KIRREL3: variants seen among roughly 807,000 people sequenced by gnomAD.
The protein encoded by KIRREL3 is kirre like nephrin family adhesion molecule 3, also known as kin of IRRE-like protein 3.
Under a neutral mutation model 89.7 loss-of-function variants are expected in KIRREL3, and 36 were observed. The ratio of observed to expected loss-of-function variants is 0.40; its 90% CI spans 0.31 to 0.53. The LOEUF is 0.53. Among genes scored for constraint, KIRREL3 ranks in the 20% least tolerant of loss-of-function variants. The probability of loss-of-function intolerance (pLI) is 0.49; values close to 1 mark genes in which losing one functional copy is unlikely to be tolerated. For synonymous variants in KIRREL3, 445 were observed against 441.4 expected (o/e 1.01, Z -0.10); for missense variants, 864 against 1,056.6 (o/e 0.82, Z 2.53).
intron 1 of KIRREL3, among the ~76,000 whole-genome samples, chr11:126,665,467 G>A (rs779853226): frequency 6.6e-6 from 1 of 152,232 alleles, no homozygotes; most frequent in Non-Finnish European, 1.5e-5. Context: ...CCGAGGTGAT[G>A]CTATTAGGAG....
chr11:126,690,782 C>A (rs529863425), intron 1 of KIRREL3, among the ~76,000 whole-genome samples: 1 of 152,198 alleles, frequency 6.6e-6, no homozygotes, highest in East Asian at 1.9e-4. Flanking sequence ...TAGCTGCTGT[C>A]GTGAATACAA....
chr11:126,888,246 G>A (rs138657055), intron 1 of KIRREL3, among the ~76,000 whole-genome samples: 127 of 152,294 alleles, frequency 8.3e-4, no homozygotes, highest in African/African-American at 3.0e-3. Context: ...CAGCCACAAA[G>A]GCTGACATCA....
Position 126,594,945 on chromosome 11 carries a change from G to A in KIRREL3, c.56-32033C>T, listed in dbSNP as rs1274694911. 2.6e-5 allele frequency among the ~76,000 whole-genome samples: 4 copies of A among 152,246 alleles called. No individual in the cohort carries two copies. Among genetic ancestry groups the A allele is most frequent in the Admixed American group, 6.5e-5 (1 of 15,292 alleles). On this transcript the variant is annotated intron_variant, in intron 1 of 16. Transcript: ENST00000525144. The surrounding 1 kb of genome is among the most constrained non-coding windows in gnomAD (Gnocchi z 5.0). ...AATGTCTCCTGGTGAAAGTCACTTT[G>A]CAGCTGCCCTGGGCCCTCGGACCCT...
chr11:126,507,279 A>G (rs1958054059), intron 4 of KIRREL3, among the ~76,000 whole-genome samples: 2 of 152,226 alleles, frequency 1.3e-5, no homozygotes, highest in South Asian at 2.1e-4. Flanking sequence ...GGGTGGTTGC[A>G]CAACTCTATA....
intron 7 of KIRREL3, among the ~76,000 whole-genome samples, chr11:126,453,315 G>GC (rs889939821): frequency 5.9e-5 from 9 of 151,986 alleles, no homozygotes; most frequent in Non-Finnish European, 8.8e-5. Context: ...AGAGGAAAGG[G>GC]CCCCAAAGCA....
Position 126,905,447 on chromosome 11 carries a change from G to A in KIRREL3, c.55+95008C>T, listed in dbSNP as rs946322803. ...AACTTGGCAGAGGGCTACACATTAG[G>A]TAGGTCCTTCCATAATGTCTTTCTC... On this transcript the variant is annotated intron_variant, in intron 1 of 16. Transcript: ENST00000525144. The surrounding 1 kb of genome is among the most constrained non-coding windows in gnomAD (Gnocchi z 5.0). Among the ~76,000 whole-genome samples the A allele has an allele frequency of 6.6e-6, 1 of 152,132 alleles. No homozygotes were observed. Among genetic ancestry groups the A allele is most frequent in the South Asian group, 2.1e-4 (1 of 4,818 alleles).
chr11:126,716,296 A>G (rs1021192206), intron 1 of KIRREL3, among the ~76,000 whole-genome samples: 1 of 152,172 alleles, frequency 6.6e-6, no homozygotes, highest in African/African-American at 2.4e-5. Flanking sequence ...TGTATGGAGC[A>G]CCTGCTAGGT....
rs1249418947 is a variant in KIRREL3, at chr11:126,981,691, C to T, written c.55+18764G>A. 6.6e-6 allele frequency among the ~76,000 whole-genome samples: 1 copy of T among 152,168 alleles called. No individual in the cohort carries two copies. The highest frequency in any genetic ancestry group is 1.5e-5 in the Non-Finnish European group (1 of 68,028). On this transcript the variant is annotated intron_variant, in intron 1 of 16. Coordinates refer to ENST00000525144, the MANE Select transcript of KIRREL3 (RefSeq NM_032531.4). The surrounding 1 kb of genome is among the most constrained non-coding windows in gnomAD (Gnocchi z 4.2). The stretch of plus-strand genomic sequence containing the variant: ...CATGCTCAGGGGGCTTTTATCAATG[C>T]ACCCCCATCCTTGGAGTAGGTTCCT...
At chr11:126,838,082 C>T (rs1943839788) in intron 1 of KIRREL3, among the ~76,000 whole-genome samples, 1 of 152,116 alleles carries the variant, frequency 6.6e-6, no homozygotes, top group Admixed American at 6.5e-5. Flanking sequence ...TATATTTGGA[C>T]ATCATCTGTC....
At chr11:126,595,053 G>A (rs1942330891) in intron 1 of KIRREL3, among the ~76,000 whole-genome samples, 1 of 152,354 alleles carries the variant, frequency 6.6e-6, no homozygotes, top group Admixed American at 6.5e-5. Context: ...CCCAGCTGCC[G>A]TGGCACTGTT....
chr11:126,803,329 G>A (rs769591068), intron 1 of KIRREL3, among the ~76,000 whole-genome samples: 16 of 152,166 alleles, frequency 1.1e-4, no homozygotes, highest in Non-Finnish European at 1.9e-4. Context: ...TGGAGAAGTG[G>A]CATTGGAAGT....
intron 1 of KIRREL3, among the ~76,000 whole-genome samples, chr11:126,654,563 G>A (rs1011189850): frequency 2.6e-5 from 4 of 152,050 alleles, no homozygotes; most frequent in Admixed American, 6.5e-5. Context: ...TGTAGGAAGC[G>A]CTTTTGCTTC....
intron 1 of KIRREL3, among the ~76,000 whole-genome samples, chr11:126,856,701 T>C (rs1335433381): frequency 1.3e-5 from 2 of 151,656 alleles, no homozygotes; most frequent in African/African-American, 4.8e-5. Flanking sequence ...CTGCAAGCTC[T>C]GCCTCCTGGG....
At chr11:126,938,407 T>C (rs1240557992) in intron 1 of KIRREL3, among the ~76,000 whole-genome samples, 1 of 152,240 alleles carries the variant, frequency 6.6e-6, no homozygotes, top group Admixed American at 6.5e-5. Context: ...TTACTATCTC[T>C]ATTTTATGGA....
At chr11:126,756,118 T>G (rs1311972348) in intron 1 of KIRREL3, among the ~76,000 whole-genome samples, 1 of 152,258 alleles carries the variant, frequency 6.6e-6, no homozygotes, top group African/African-American at 2.4e-5. Context: ...AAAGCTCATA[T>G]TGTTAACATT....
chr11:126,871,904 A>T (rs1344197049), intron 1 of KIRREL3, among the ~76,000 whole-genome samples: 1 of 152,166 alleles, frequency 6.6e-6, no homozygotes, highest in Admixed American at 6.5e-5. Flanking sequence ...CATCTGTAGG[A>T]CACCCTGCCA....
rs1956077185 is a variant in KIRREL3 at position 126,450,970 on chromosome 11, CATGGGTGTGTGCATGT to C, written c.849-1829_849-1814del. Among the ~76,000 whole-genome samples, 3 of 125,414 alleles carry C rather than the reference CATGGGTGTGTGCATGT, an allele frequency of 2.4e-5. No individual in the cohort carries two copies. In the Admixed American group the frequency reaches 2.4e-4, roughly 10 times the overall value. 82.3% of individuals were successfully genotyped at this position (125,414 alleles called of 152,430 possible). ...GTGTGCATGTGTGAGCGTGTGCATG[CATGGGTGTGTGCATGT>C]GTCAATGTGCATGTGTGCACGTGAG... On this transcript the variant is annotated intron_variant, in intron 7 of 16. Coordinates refer to ENST00000525144, the MANE Select transcript of KIRREL3 (RefSeq NM_032531.4).
intron 4 of KIRREL3, among the ~76,000 whole-genome samples, chr11:126,505,226 C>T (rs1683433221): frequency 1.3e-5 from 2 of 152,194 alleles, no homozygotes; most frequent in South Asian, 4.1e-4. Context: ...AGACAAAATG[C>T]TCCTGTATGC....
chr11:126,497,155 TGA>T (rs1478053194), intron 4 of KIRREL3, among the ~76,000 whole-genome samples: 6 of 151,160 alleles, frequency 4.0e-5, no homozygotes, highest in Admixed American at 2.6e-4. Context: ...CGAGAGAGTG[TGA>T]GAGTGTGCAT....
Sources: gnomAD v4.1 joint callset for allele counts (sites outside exome capture counted in the v4.1 genomes callset) on GRCh38, gnomAD v4.1.1 for gene constraint, Gnocchi (gnomAD v3.1) non-coding constraint, MANE v1.5 for transcripts, NCBI Gene and HGNC (gene_info 2026-07-23, HGNC 2026-07-21) for gene names.